The following ANXA4 variants were observed in gnomAD, a reference collection of about 807,000 sequenced individuals.
ANXA4 encodes the protein 35-beta calcimedin.
ANXA4 carries 39 observed loss-of-function variants against 49.8 expected under a neutral mutation model. The observed-to-expected ratio is 0.78, with a 90% CI of 0.61 to 1.02. The LOEUF is 1.02. Ranked by LOEUF, ANXA4 falls within the 50% of genes least tolerant of loss-of-function variation. The pLI, the probability that ANXA4 is intolerant of heterozygous loss-of-function variation, is 0.00. For synonymous variants in ANXA4, 134 were observed against 152.5 expected, an observed-to-expected ratio of 0.88 and a Z score of 0.89; for missense variants, 360 against 410.1, an observed-to-expected ratio of 0.88 and a Z score of 1.05.
upstream of ANXA4, among the ~76,000 whole-genome samples, chr2:69,644,135 A>C (rs1235203469): frequency 8.2e-6 from 1 of 122,406 alleles, no homozygotes; most frequent in African/African-American, 3.1e-5. Context: ...ATTTAAACAC[A>C]TCCCGTGAAG....
chr2:69,692,528 T>C (rs528156036), intron 2 of ANXA4, among the ~76,000 whole-genome samples: 1 of 152,364 alleles, frequency 6.6e-6, no homozygotes, highest in Admixed American at 6.5e-5. Context: ...AACAATATTA[T>C]GTTGTATTAT....
In ANXA4 at chr2:69,749,763, TAAA is replaced by T. The variant is rs765400597; in HGVS notation, c.-47+7599_-47+7601del. Among the ~76,000 whole-genome samples, 8 of 139,960 alleles carry T rather than the reference TAAA, an allele frequency of 5.7e-5. No individual in the cohort carries two copies. The East Asian group carries it at 1.7e-3, about 29-fold the overall frequency. The allele number at this position is 139,960 out of a possible 152,430, so 91.8% of individuals were successfully genotyped here. ...AACATGGTAAAACCCCGTCTCTTACTAAAAAAAAAAAAATAGCTAGGTGTGGTA... is the reference window on the plus strand; with the variant it reads ...AACATGGTAAAACCCCGTCTCTTACTAAAAAAAAAATAGCTAGGTGTGGTA... On this transcript the variant is annotated intron_variant, in intron 1 of 12. Coordinates refer to ENST00000394295, the MANE Select transcript of ANXA4 (RefSeq NM_001153.5).
At chr2:69,761,461 A>G (rs981546083) in intron 1 of ANXA4, among the ~76,000 whole-genome samples, 5 of 152,240 alleles carry the variant, frequency 3.3e-5, no homozygotes, top group Admixed American at 2.6e-4. Context: ...ATGTTTTTTA[A>G]AAGAATTTCA....
At chr2:69,784,435 A>G (rs973258604) in intron 2 of ANXA4, among the ~76,000 whole-genome samples, 3 of 152,218 alleles carry the variant, frequency 2.0e-5, no homozygotes, top group Non-Finnish European at 4.4e-5. Context: ...TCAATACGGA[A>G]TTTCCAAAAG....
At chr2:69,802,709 C>CAA (rs777864730) in intron 3 of ANXA4, among the ~76,000 whole-genome samples, 16,299 of 121,824 alleles carry the variant, frequency 0.13, 1,670 homozygotes, top group African/African-American at 0.3. Context: ...GACTCTGTCT[C>CAA]AAAAAAAAAA....
chr2:69,751,273 C>G (rs1670830448), intron 1 of ANXA4, among the ~76,000 whole-genome samples: 1 of 151,984 alleles, frequency 6.6e-6, no homozygotes, highest in African/African-American at 2.4e-5. Context: ...TGCTTGTAAT[C>G]CCAGGCTAAG....
intron 2 of ANXA4, among the ~76,000 whole-genome samples, chr2:69,679,698 G>C (rs1000163764): frequency 2.2e-4 from 34 of 152,074 alleles, no homozygotes; most frequent in African/African-American, 7.7e-4. Flanking sequence ...TGATGGACAG[G>C]GTTCCAATTT....
At chr2:69,752,570 A>T (rs935540980) in intron 1 of ANXA4, among the ~76,000 whole-genome samples, 8 of 152,110 alleles carry the variant, frequency 5.3e-5, no homozygotes, top group African/African-American at 4.8e-5. Flanking sequence ...CACACTCCTG[A>T]CACTTTCTGT....
Position 69,812,757 on chromosome 2 carries a change from AAT to A in ANXA4, c.534+49_534+50del, listed in dbSNP as rs1673763576. The A allele has an allele frequency of 1.9e-6, 3 of 1,555,824 alleles. No individual in the cohort carries two copies. In the Admixed American group the frequency reaches 5.0e-5, roughly 26 times the overall value. On this transcript the variant is annotated intron_variant, in intron 8 of 12. Coordinates refer to ENST00000394295, the MANE Select transcript of ANXA4 (RefSeq NM_001153.5). ...TCTTCCAGCTTTCTTCTCTTTCGCC[AAT>A]GAGACAGGCCTTAGTGGGTGGATAG...
intron 2 of ANXA4, among the ~76,000 whole-genome samples, chr2:69,712,818 GTTC>G: frequency 6.6e-6 from 1 of 152,258 alleles, no homozygotes; most frequent in South Asian, 2.1e-4. Context: ...TGAAGCCTGG[GTTC>G]TTCTTGAGTT....
intron 6 of ANXA4, 93 bp downstream of exon 6, chr2:69,808,089 A>C: frequency 8.2e-7 from 1 of 1,213,748 alleles, no homozygotes; most frequent in South Asian, 1.3e-5. Context: ...TAGACTTTTC[A>C]CAGAACGCTG....
At chr2:69,783,490 C>T (rs570466021) in intron 2 of ANXA4, among the ~76,000 whole-genome samples, 60 of 152,310 alleles carry the variant, frequency 3.9e-4, no homozygotes, top group Non-Finnish European at 5.7e-4. Context: ...GCTGGGATTA[C>T]GGGCGTGAGC....
At chr2:69,744,342 G>A (rs1271062760) in intron 1 of ANXA4, among the ~76,000 whole-genome samples, 2 of 151,930 alleles carry the variant, frequency 1.3e-5, no homozygotes, top group Admixed American at 1.3e-4. Flanking sequence ...AACAAGAGGA[G>A]GAGATTTTCT....
At chr2:69,752,593 A>C (rs1670889564) in intron 1 of ANXA4, among the ~76,000 whole-genome samples, 1 of 152,190 alleles carries the variant, frequency 6.6e-6, no homozygotes. Context: ...TTTCCCCAGC[A>C]TGGGAATGGG....
chr2:69,811,668 T>C (rs770037689), intron 7 of ANXA4, among the ~76,000 whole-genome samples: 1 of 152,200 alleles, frequency 6.6e-6, no homozygotes, highest in African/African-American at 2.4e-5. Context: ...ATACCCTTAA[T>C]GAACTGAACC....
At chr2:69,653,342 C>T (rs1277719340) in intron 2 of ANXA4, 8 of 152,110 alleles carry the variant, frequency 5.3e-5, no homozygotes, top group African/African-American at 1.4e-4. Context: ...GATTTACAGT[C>T]CAATTGAGAT....
chr2:69,820,948 T>C, intron 12 of ANXA4, 127 bp downstream of exon 12: 1 of 1,047,634 alleles, frequency 9.5e-7, no homozygotes, highest in Non-Finnish European at 1.3e-6. Context: ...ATGCTCCCGA[T>C]ATTTCCAGTC....
At chr2:69,646,799 T>C (rs1234225715) in intron 1 of ANXA4, among the ~76,000 whole-genome samples, 2 of 152,196 alleles carry the variant, frequency 1.3e-5, no homozygotes, top group Non-Finnish European at 2.9e-5. Flanking sequence ...GAATCAATTG[T>C]AGCTCACTGA....
chr2:69,796,490 C>T (rs978077335), intron 3 of ANXA4, among the ~76,000 whole-genome samples: 1 of 152,170 alleles, frequency 6.6e-6, no homozygotes, highest in Non-Finnish European at 1.5e-5. Flanking sequence ...GAGGGTTTGA[C>T]TTAGAAGCAA....
Sources: gnomAD v4.1 joint callset for allele counts (sites outside exome capture counted in the v4.1 genomes callset) on GRCh38, gnomAD v4.1.1 for gene constraint, MANE v1.5 for transcripts, NCBI Gene and HGNC (gene_info 2026-07-23, HGNC 2026-07-21) for gene names.